BIRC6: variants seen among roughly 807,000 people sequenced by gnomAD.
The protein encoded by BIRC6 is dual E2 ubiquitin-conjugating enzyme/E3 ubiquitin-protein ligase BIRC6.
In BIRC6, 98 loss-of-function variants were observed where a neutral mutation model predicts 503.3. That is an observed-to-expected ratio of 0.19 (90% CI 0.17 to 0.23). The LOEUF (loss-of-function observed/expected upper bound fraction) is 0.23. Ranked by LOEUF, BIRC6 falls within the 10% of genes least tolerant of loss-of-function variation. The probability of loss-of-function intolerance (pLI) is 1.00; values close to 1 mark genes in which losing one functional copy is unlikely to be tolerated. For missense variants in BIRC6, 5,360 were observed against 5,806.0 expected (o/e 0.92, Z 2.50); for synonymous variants, 2,240 against 2,078.7 (o/e 1.08, Z -2.11).
intron 16 of BIRC6, 42 bp downstream of exon 16, chr2:32,439,728 A>G: frequency 6.4e-7 from 1 of 1,557,938 alleles, no homozygotes. Flanking sequence ...ACAGTTTTAA[A>G]CATTGTGGAT....
intron 39 of BIRC6, among the ~76,000 whole-genome samples, chr2:32,484,198 G>T (rs1387399173): frequency 1.3e-5 from 2 of 152,072 alleles, no homozygotes; most frequent in African/African-American, 4.8e-5. Flanking sequence ...TTTTTTGGGG[G>T]CTGGGGAGCA....
intron 1 of BIRC6, among the ~76,000 whole-genome samples, chr2:32,367,766 A>G (rs1055187051): frequency 2.0e-5 from 3 of 152,172 alleles, no homozygotes; most frequent in Non-Finnish European, 2.9e-5. Flanking sequence ...CAGTCAGTCT[A>G]GATCACAGCA....
intron 68 of BIRC6, among the ~76,000 whole-genome samples, chr2:32,597,373 G>A (rs1201017517): frequency 6.6e-6 from 1 of 152,160 alleles, no homozygotes; most frequent in African/African-American, 2.4e-5. Context: ...GTTTTATCAA[G>A]TAGCCATTGT....
At chr2:32,575,429 A>G (rs1315230681) in intron 66 of BIRC6, 63 bp downstream of exon 66, 5 of 1,480,062 alleles carry the variant, frequency 3.4e-6, no homozygotes, top group South Asian at 1.1e-5. Context: ...AAATAACTCC[A>G]TGGGTGTTTT....
At chr2:32,429,588 GAA>G (rs55825044) in intron 11 of BIRC6, among the ~76,000 whole-genome samples, 2 of 151,742 alleles carry the variant, frequency 1.3e-5, no homozygotes, top group African/African-American at 4.8e-5. Flanking sequence ...TTGAAAAGGT[GAA>G]AAAAAAATAC....
chr2:32,456,146 A>G (rs1292846314), intron 23 of BIRC6, among the ~76,000 whole-genome samples: 3 of 152,210 alleles, frequency 2.0e-5, no homozygotes, highest in African/African-American at 4.8e-5. Context: ...CATTTTCTCC[A>G]GAAGCTAAAC....
chr2:32,501,877 A>G lies in BIRC6; in HGVS notation c.9196A>G (p.Met3066Val). Residue 3066 changes from methionine to valine, a missense_variant, in exon 47 of 74, where the codon ATG (methionine) becomes GTG (valine). Physicochemically the swap from Met to Val is conservative, Grantham distance 21. This residue lies in a region of BIRC6 where 267 missense variants were observed against 287.6 expected (regional missense o/e 0.93). Coordinates refer to ENST00000421745, the MANE Select transcript of BIRC6 (RefSeq NM_016252.4). ...PILTYMACGY[M>V]GRQGSLATCQ... ...TTTAACATACATGGCCTGTGGATAT[A>G]TGGGCAGACAAGTAAGTTCAAGCCA... The G allele has an allele frequency of 1.9e-6, 3 of 1,602,772 alleles. No homozygotes were observed. The highest frequency in any genetic ancestry group is 1.3e-5 in the African/African-American group (1 of 74,434).
intron 12 of BIRC6, among the ~76,000 whole-genome samples, 194 bp downstream of exon 12, chr2:32,431,284 C>G (rs1047325817): frequency 7.1e-6 from 1 of 140,554 alleles, no homozygotes; most frequent in Non-Finnish European, 1.5e-5. Context: ...CAACCACTGC[C>G]TCCTGGGTTC....
In BIRC6 at chr2:32,490,093, C is replaced by T. The variant is rs1407731266; in HGVS notation, c.8148C>T (p.Leu2716=). 5 of 1,613,678 alleles carry T rather than the reference C, an allele frequency of 3.1e-6. No homozygotes were observed. Among genetic ancestry groups the T allele is most frequent in the Admixed American group, 1.7e-5 (1 of 60,026 alleles). The change falls in exon 43 of 74, where the codon CTC becomes CTT. Residue 2716 remains leucine (L), a synonymous_variant. Coordinates refer to ENST00000421745, the MANE Select transcript of BIRC6 (RefSeq NM_016252.4). ...TVLAWYPNTL[L]RTWCLVLHSL... Reference sequence around the variant, plus strand: ...TAGCTTGGTATCCCAATACTTTGCTCCGGACATGGTGCCTTGTGCTTCATA... The same window carrying T: ...TAGCTTGGTATCCCAATACTTTGCTTCGGACATGGTGCCTTGTGCTTCATA...
rs1230684233 is a variant in BIRC6 at position 32,433,785 on chromosome 2, A to G, written c.3390A>G (p.Pro1130=). Residue 1130 remains proline, a synonymous_variant, in exon 13 of 74, where the codon CCA becomes CCG. Coordinates refer to ENST00000421745, the MANE Select transcript of BIRC6 (RefSeq NM_016252.4). ...TGACACTGCTGAAAAATAAAGCTCCAGGATTAGGGAAAGTCAATGGTAAGA... is the reference window on the plus strand; with the variant it reads ...TGACACTGCTGAAAAATAAAGCTCCGGGATTAGGGAAAGTCAATGGTAAGA... ...IQVTLLKNKA[P]GLGKVNALNI... is the part of the protein sequence containing the mutation. The G allele has an allele frequency of 1.9e-6, 3 of 1,567,688 alleles. No individual in the cohort carries two copies. Among genetic ancestry groups the G allele is most frequent in the East Asian group, 4.5e-5 (2 of 44,058 alleles).
Position 32,579,028 on chromosome 2 carries a change from A to AAT in BIRC6, c.13355+3671_13355+3672dup, listed in dbSNP as rs1179970525. Among the ~76,000 whole-genome samples, 211 of 115,650 alleles carry AAT rather than the reference A, an allele frequency of 1.8e-3. 4 individuals carry two copies. The highest frequency in any genetic ancestry group is 3.5e-3 in the South Asian group (14 of 4,024). 75.9% of individuals were successfully genotyped at this position (115,650 alleles called of 152,430 possible). On this transcript the variant is annotated intron_variant, in intron 66 of 73. Transcript: ENST00000421745. ...ATATATACCTAATATATATATACCT[A>AAT]ATATATATATGTATACCTAATATAT...
chr2:32,523,283 A>T (rs2055927893), intron 57 of BIRC6: 2 of 151,638 alleles, frequency 1.3e-5, no homozygotes, highest in South Asian at 2.1e-4. Context: ...AAGTTGAGAA[A>T]TTTTTTTTTA....
intron 15 of BIRC6, among the ~76,000 whole-genome samples, chr2:32,436,869 G>A (rs2044767701): frequency 6.9e-6 from 1 of 145,518 alleles, no homozygotes; most frequent in East Asian, 2.1e-4. Flanking sequence ...GGCCAAGAGA[G>A]GTTTTTTTTG....
chr2:32,545,618 G>C (rs1481128217), intron 62 of BIRC6, 25 bp from the exon 63 acceptor site: 3 of 1,570,052 alleles, frequency 1.9e-6, no homozygotes, highest in East Asian at 2.2e-5. Context: ...TTTTAATCTT[G>C]AGTCCTCTTC....
intron 72 of BIRC6, 37 bp downstream of exon 72, chr2:32,607,680 G>A (rs749271042): frequency 1.3e-6 from 2 of 1,537,896 alleles, no homozygotes; most frequent in Non-Finnish European, 1.8e-6. Context: ...CTTTGTTAAA[G>A]ACATTTTACA....
Position 32,603,714 on chromosome 2 carries a change from A to G in BIRC6, c.14070+631A>G, listed in dbSNP as rs374040644. ...ACTCTAGCCTGGGTGACAGAGGGAG[A>G]CTCTATCTAAAAAATAAAAATCAAT... On this transcript the variant is annotated intron_variant, in intron 71 of 73. Coordinates refer to ENST00000421745, the MANE Select transcript of BIRC6 (RefSeq NM_016252.4). Among the ~76,000 whole-genome samples, 91 of 152,156 alleles carry G rather than the reference A, an allele frequency of 6.0e-4. No homozygotes were observed. The South Asian group carries it at 0.019, about 31-fold the overall frequency.
At chr2:32,603,792 C>T (rs1373249530) in intron 71 of BIRC6, among the ~76,000 whole-genome samples, 2 of 151,730 alleles carry the variant, frequency 1.3e-5, no homozygotes, top group African/African-American at 4.8e-5. Flanking sequence ...AGTCTTTACT[C>T]TGAAAATATC....
chr2:32,386,920 A>T (rs1025949023), intron 3 of BIRC6, among the ~76,000 whole-genome samples: 1 of 152,126 alleles, frequency 6.6e-6, no homozygotes, highest in African/African-American at 2.4e-5. Flanking sequence ...TGCCTGTTTT[A>T]TATTATGCAT....
At chr2:32,453,188 T>C (rs1307710439) in intron 22 of BIRC6, among the ~76,000 whole-genome samples, 1 of 152,212 alleles carries the variant, frequency 6.6e-6, no homozygotes, top group East Asian at 1.9e-4. Context: ...GTGGTTTTAT[T>C]GGTCATATAG....
Sources: allele counts gnomAD v4.1 joint callset (sites outside exome capture counted in the v4.1 genomes callset), GRCh38; gene constraint gnomAD v4.1.1; regional missense constraint gnomAD v4.1.1; transcripts MANE v1.5; gene names NCBI Gene and HGNC (gene_info 2026-07-23, HGNC 2026-07-21).